NOTCH2: variants seen among roughly 807,000 people sequenced by gnomAD.
NOTCH2 encodes the protein notch receptor 2.
A neutral mutation model predicts 235.8 loss-of-function variants in NOTCH2; 29 were observed. That is an observed-to-expected ratio of 0.12 (90% CI 0.09 to 0.17). The LOEUF (loss-of-function observed/expected upper bound fraction) is 0.17, where lower values mean the gene tolerates loss of function less well. Among genes scored for constraint, NOTCH2 ranks in the 10% least tolerant of loss-of-function variants. The pLI is 1.00. For missense variants in NOTCH2, 2,285 were observed against 3,150.2 expected (o/e 0.73, Z 6.57); for synonymous variants, 1,086 against 1,141.5 (o/e 0.95, Z 0.98).
intron 1 of NOTCH2, among the ~76,000 whole-genome samples, chr1:120,055,786 T>C (rs2101411350): frequency 6.6e-6 from 1 of 151,904 alleles, no homozygotes; most frequent in East Asian, 1.9e-4. Context: ...GGGAAACAAA[T>C]GTTAAAATAT....
chr1:120,065,357 G>A (rs1655467060), intron 1 of NOTCH2, among the ~76,000 whole-genome samples: 1 of 152,144 alleles, frequency 6.6e-6, no homozygotes, highest in Admixed American at 6.5e-5. Flanking sequence ...CAGGTACAGG[G>A]GTAGGGTATG....
chr1:120,011,608 T>C (rs374581226), intron 2 of NOTCH2, among the ~76,000 whole-genome samples: 9,082 of 151,916 alleles, frequency 0.06, 495 homozygotes, highest in African/African-American at 0.21. Flanking sequence ...TACTTAACTA[T>C]GTATTGTATA....
intron 5 of NOTCH2, among the ~76,000 whole-genome samples, chr1:119,984,194 CA>C (rs1414585952): frequency 2.0e-5 from 3 of 152,038 alleles, no homozygotes; most frequent in African/African-American, 7.2e-5. Context: ...AGTAAATCAC[CA>C]AATCTCAGGA....
At chr1:120,041,838 A>AAGAGAGAG (rs370450952) in intron 1 of NOTCH2, among the ~76,000 whole-genome samples, 3 of 98,374 alleles carry the variant, frequency 3.0e-5, no homozygotes, top group African/African-American at 1.0e-4. Flanking sequence ...CTGCTAAAGA[A>AAGAGAGAG]AGAGAGAGAG....
At position 120,069,437 on chromosome 1, in the gene NOTCH2, C is replaced by G. The variant is rs782424628; in HGVS notation, c.-31G>C. On this transcript the variant is annotated 5_prime_UTR_variant, in exon 1 of 34. Coordinates refer to ENST00000256646, the MANE Select transcript of NOTCH2 (RefSeq NM_024408.4). The stretch of plus-strand genomic sequence containing the variant: ...CGGTCGCCTCCTCCTCCGCCGCCGC[C>G]GCCGCCGCCTGGGCAGATCCACATG... 4,549 of 1,530,828 alleles carry G rather than the reference C, an allele frequency of 3.0e-3. 12 individuals are homozygous for G. The highest frequency in any genetic ancestry group is 3.5e-3 in the Non-Finnish European group (4,003 of 1,146,430). 94.8% of individuals were successfully genotyped at this position (1,530,828 alleles called of 1,614,324 possible). A position where few individuals can be genotyped will look rare whatever the true frequency, so the allele number is the denominator to read the frequency against.
chr1:119,931,995 T>C (rs1209523396), intron 22 of NOTCH2, among the ~76,000 whole-genome samples: 1 of 147,528 alleles, frequency 6.8e-6, no homozygotes, highest in Non-Finnish European at 1.5e-5. Context: ...TATATATATA[T>C]ATATGTATAT....
At chr1:119,936,178 T>C (rs935995268) in intron 21 of NOTCH2, among the ~76,000 whole-genome samples, 3 of 152,190 alleles carry the variant, frequency 2.0e-5, no homozygotes, top group African/African-American at 4.8e-5. Context: ...GGTGGCTTTA[T>C]TTGGACACTT....
In NOTCH2 at chr1:119,967,674, A is replaced by G. The variant is rs1195721721; in HGVS notation, c.1265-53T>C. 64 of 1,495,166 alleles carry G rather than the reference A, an allele frequency of 4.3e-5. No homozygotes were observed. The East Asian group carries it at 1.2e-3, about 27-fold the overall frequency. 92.6% of individuals were successfully genotyped at this position (1,495,166 alleles called of 1,614,324 possible). A position where few individuals can be genotyped will look rare whatever the true frequency, so the allele number is the denominator to read the frequency against. On this transcript the variant is annotated intron_variant, in intron 7 of 33. Transcript: ENST00000256646. ...GATCAAAGCAGTTGAGTTTCCACAA[A>G]TGTGAACAATAGAAGAGCATCTGAT...
intron 2 of NOTCH2, among the ~76,000 whole-genome samples, chr1:120,018,712 AG>A (rs1487463404): frequency 7.9e-5 from 12 of 151,776 alleles, no homozygotes; most frequent in Non-Finnish European, 2.9e-5. Flanking sequence ...GGAATGAAAA[AG>A]AATCTTGTGT....
intron 22 of NOTCH2, among the ~76,000 whole-genome samples, chr1:119,930,637 C>A (rs587738638): frequency 6.6e-6 from 1 of 151,058 alleles, no homozygotes; most frequent in Admixed American, 6.6e-5. Flanking sequence ...AAATTAGCTG[C>A]GTGTGGTGGT....
chr1:119,967,968 T>G, intron 7 of NOTCH2, 109 bp downstream of exon 7: 3 of 1,232,006 alleles, frequency 2.4e-6, no homozygotes, highest in Non-Finnish European at 3.6e-6. Flanking sequence ...AAGAGTAATC[T>G]GAGGTTTGGG....
intron 23 of NOTCH2, among the ~76,000 whole-genome samples, chr1:119,928,607 C>A (rs962159371): frequency 6.6e-6 from 1 of 152,190 alleles, no homozygotes; most frequent in African/African-American, 2.4e-5. Context: ...AACAATGCCA[C>A]TGAACTGTAC....
Position 119,982,853 on chromosome 1 carries a change from G to A in NOTCH2, c.874+4107C>T, listed in dbSNP as rs587657129. Among the ~76,000 whole-genome samples, 80 of 152,314 alleles carry A rather than the reference G, an allele frequency of 5.3e-4. 2 individuals carry two copies. The South Asian group carries it at 0.014, about 26-fold the overall frequency. ...TTAGACAGCCACAGTAGGTAAAAAC[G>A]CCTGTAGTGGGGTATATAACACAGT... On this transcript the variant is annotated intron_variant, in intron 5 of 33. Coordinates refer to ENST00000256646, the MANE Select transcript of NOTCH2 (RefSeq NM_024408.4).
chr1:119,977,676 T>C (rs1553201117), intron 5 of NOTCH2, among the ~76,000 whole-genome samples: 1 of 152,210 alleles, frequency 6.6e-6, no homozygotes, highest in Non-Finnish European at 1.5e-5. Flanking sequence ...ACATTGATTG[T>C]CAACTATAGT....
At position 119,915,386 on chromosome 1, in the gene NOTCH2, C is replaced by G. The variant is rs1379769528; in HGVS notation, c.7336G>C (p.Gly2446Arg). The change falls in exon 34 of 34, where the codon GGG becomes CGG. Residue 2446 changes from glycine to arginine, a missense_variant. Physicochemically the swap from Gly to Arg is moderately radical, Grantham distance 125. This residue lies in a region of NOTCH2 where 504 missense variants were observed against 538.0 expected (regional missense o/e 0.94). Transcript: ENST00000256646. ...CCCCGCTGACCTCCTCCAGCACCCC[C>G]AGGGGTAGGGCTGGTGGTCACATCT... Reference protein sequence around the residue: ...WSDVTTSPTPGGAGGGQRGPG... With the variant: ...WSDVTTSPTPRGAGGGQRGPG... The G allele has an allele frequency of 6.2e-7, 1 of 1,614,202 alleles. No individual in the cohort carries two copies. Among genetic ancestry groups the G allele is most frequent in the Non-Finnish European group, 8.5e-7 (1 of 1,180,034 alleles).
At chr1:119,937,828 T>C in intron 20 of NOTCH2, 29 bp downstream of exon 20, 1 of 1,613,806 alleles carries the variant, frequency 6.2e-7, no homozygotes. Flanking sequence ...CTGCAGTGAA[T>C]GACCTGAGCC....
At chr1:120,033,632 G>GT (rs1553211335) in intron 1 of NOTCH2, among the ~76,000 whole-genome samples, 1 of 148,568 alleles carries the variant, frequency 6.7e-6, no homozygotes, top group African/African-American at 2.5e-5. Flanking sequence ...GAGGAAAATG[G>GT]TGGTTACGGA....
At chr1:119,984,879 C>T (rs1651951299) in intron 5 of NOTCH2, among the ~76,000 whole-genome samples, 2 of 152,022 alleles carry the variant, frequency 1.3e-5, no homozygotes, top group Non-Finnish European at 2.9e-5. Context: ...CAGCCTGGAG[C>T]AAGATCAGGG....
intron 1 of NOTCH2, among the ~76,000 whole-genome samples, chr1:120,066,270 C>T (rs1315093573): frequency 2.5e-4 from 38 of 150,420 alleles, no homozygotes; most frequent in Non-Finnish European, 4.3e-4. Flanking sequence ...CATACACACA[C>T]CTGAAGGTAA....
Sources: allele counts gnomAD v4.1 joint callset (sites outside exome capture counted in the v4.1 genomes callset), GRCh38; gene constraint gnomAD v4.1.1; regional missense constraint gnomAD v4.1.1; transcripts MANE v1.5; gene names NCBI Gene and HGNC (gene_info 2026-07-23, HGNC 2026-07-21).